Variants in PTPRD observed in about 807,000 individuals in gnomAD.
PTPRD encodes receptor-type tyrosine-protein phosphatase delta.
Under a neutral mutation model 214.5 loss-of-function variants are expected in PTPRD, and 34 were observed. The ratio of observed to expected loss-of-function variants is 0.16; its 90% CI spans 0.12 to 0.21. The LOEUF is 0.21. Among genes scored for constraint, PTPRD ranks in the 10% least tolerant of loss-of-function variants. PTPRD has a pLI of 1.00. For missense variants in PTPRD, 2,545 were observed against 2,398.7 expected, an observed-to-expected ratio of 1.06 and a Z score of -1.27; for synonymous variants, 1,128 against 845.7, an observed-to-expected ratio of 1.33 and a Z score of -5.79.
chr9:9,537,540 A>G (rs2076766852), intron 8 of PTPRD, among the ~76,000 whole-genome samples: 1 of 151,996 alleles, frequency 6.6e-6, no homozygotes, highest in Admixed American at 6.6e-5. Context: ...CAAATTTCAA[A>G]TACAAATCTA....
At chr9:8,636,357 T>C (rs566430857) in intron 13 of PTPRD, among the ~76,000 whole-genome samples, 2 of 152,060 alleles carry the variant, frequency 1.3e-5, no homozygotes, top group Non-Finnish European at 2.9e-5. Context: ...TAGGAGCCAA[T>C]GGGATGAGAG....
At chr9:9,925,951 C>T (rs978901653) in intron 5 of PTPRD, among the ~76,000 whole-genome samples, 3 of 152,104 alleles carry the variant, frequency 2.0e-5, no homozygotes, top group Non-Finnish European at 4.4e-5. Flanking sequence ...ACCTCAGCCT[C>T]CTAAGTAGCT....
intron 9 of PTPRD, among the ~76,000 whole-genome samples, chr9:9,389,381 A>G (rs1227128742): frequency 2.6e-5 from 4 of 152,022 alleles, no homozygotes; most frequent in Non-Finnish European, 5.9e-5. Context: ...GTGGTGGCAC[A>G]TGCCTGTAAT....
rs575592599 is a variant in PTPRD, at chr9:10,133,431, G to C, written c.-544-99641C>G. Among the ~76,000 whole-genome samples the C allele has an allele frequency of 1.4e-4, 21 of 152,124 alleles. No individual in the cohort carries two copies. In the South Asian group the frequency reaches 4.4e-3, roughly 32 times the overall value. On this transcript the variant is annotated intron_variant, in intron 3 of 45. Coordinates refer to ENST00000381196, the MANE Select transcript of PTPRD (RefSeq NM_002839.4). ...CCCACCTCACATCTAGTTTCAGAAAGGACAAAGCAGATACATATATGAATA... is the reference window on the plus strand; with the variant it reads ...CCCACCTCACATCTAGTTTCAGAAACGACAAAGCAGATACATATATGAATA...
At chr9:8,359,660 A>G (rs1329990194) in intron 39 of PTPRD, among the ~76,000 whole-genome samples, 1 of 152,074 alleles carries the variant, frequency 6.6e-6, no homozygotes, top group Non-Finnish European at 1.5e-5. Context: ...AAAAGCCCCT[A>G]GGTGATTCTG....
chr9:10,596,050 A>G (rs1355628313), intron 2 of PTPRD, among the ~76,000 whole-genome samples: 2 of 151,844 alleles, frequency 1.3e-5, no homozygotes, highest in Non-Finnish European at 2.9e-5. Flanking sequence ...TATACACACA[A>G]ATAGATACAT....
chr9:9,803,549 C>G (rs80016517), intron 5 of PTPRD, among the ~76,000 whole-genome samples: 2 of 152,062 alleles, frequency 1.3e-5, no homozygotes, highest in African/African-American at 4.8e-5. Flanking sequence ...GATAAAACTT[C>G]ATGGCCAGCA....
rs1375411142 is a variant in PTPRD at position 9,950,483 on chromosome 9, G to GGGA, written c.-471-11876_-471-11874dup. Among the ~76,000 whole-genome samples, 17 of 34,716 alleles carry GGGA rather than the reference G, an allele frequency of 4.9e-4. 4 individuals carry two copies. Among genetic ancestry groups the GGGA allele is most frequent in the Non-Finnish European group, 6.9e-4 (17 of 24,676 alleles). The allele number at this position is 34,716 out of a possible 152,430, so 22.8% of individuals were successfully genotyped here. The stretch of plus-strand genomic sequence containing the variant: ...CTCACGCCTGTAATCCCAGCACTTT[G>GGGA]GGAGGCCGAGGCGGGCGGATCACGA... On this transcript the variant is annotated intron_variant, in intron 4 of 45. Transcript: ENST00000381196.
intron 14 of PTPRD, among the ~76,000 whole-genome samples, chr9:8,607,818 G>A (rs1055589206): frequency 2.6e-5 from 4 of 152,094 alleles, no homozygotes; most frequent in African/African-American, 9.7e-5. Context: ...TTTTATTACA[G>A]TTTATTGCAA....
intron 3 of PTPRD, among the ~76,000 whole-genome samples, chr9:10,071,550 T>C (rs778710531): frequency 5.5e-4 from 84 of 152,134 alleles, no homozygotes; most frequent in Non-Finnish European, 9.0e-4. Flanking sequence ...GGTGCTGAAA[T>C]GTGTATGTCT....
intron 3 of PTPRD, among the ~76,000 whole-genome samples, chr9:10,062,145 G>A (rs2097787213): frequency 6.6e-6 from 1 of 152,054 alleles, no homozygotes; most frequent in Non-Finnish European, 1.5e-5. Flanking sequence ...GTGGTAGGAT[G>A]TTACAACCAG....
intron 9 of PTPRD, among the ~76,000 whole-genome samples, chr9:9,381,694 G>GT (rs1447019914): frequency 1.5e-5 from 2 of 137,914 alleles, no homozygotes; most frequent in Non-Finnish European, 3.2e-5. Context: ...TTGTTGTTTT[G>GT]TTTTTTGTTT....
intron 39 of PTPRD, among the ~76,000 whole-genome samples, chr9:8,347,494 C>A (rs1356122637): frequency 6.6e-6 from 1 of 152,136 alleles, no homozygotes; most frequent in Non-Finnish European, 1.5e-5. Context: ...CATGAATAAA[C>A]ATCTAATTAC....
At chr9:10,511,975 TG>T (rs2048325161) in intron 2 of PTPRD, among the ~76,000 whole-genome samples, 1 of 62,538 alleles carries the variant, frequency 1.6e-5, no homozygotes, top group Non-Finnish European at 3.4e-5. Context: ...TACGTGTGTG[TG>T]TATATATATA....
chr9:8,888,746 T>A (rs1293053969), intron 11 of PTPRD, among the ~76,000 whole-genome samples: 1 of 152,164 alleles, frequency 6.6e-6, no homozygotes, highest in Non-Finnish European at 1.5e-5. Flanking sequence ...CTGGGAACCG[T>A]CATGAGTGAG....
chr9:10,437,759 A>AT (rs1170968327), intron 2 of PTPRD, among the ~76,000 whole-genome samples: 10 of 151,214 alleles, frequency 6.6e-5, no homozygotes, highest in African/African-American at 2.4e-4. Context: ...AGAATAGTCC[A>AT]TTTTTGTTTT....
At chr9:9,913,750 C>T (rs929435151) in intron 5 of PTPRD, among the ~76,000 whole-genome samples, 3 of 152,224 alleles carry the variant, frequency 2.0e-5, no homozygotes, top group Admixed American at 2.0e-4. Flanking sequence ...CCACACAAAC[C>T]CTGAAACCAG....
intron 7 of PTPRD, among the ~76,000 whole-genome samples, chr9:9,724,975 G>T (rs145716674): frequency 3.9e-5 from 6 of 152,212 alleles, no homozygotes; most frequent in African/African-American, 1.4e-4. Flanking sequence ...GAGTTTATTT[G>T]GTGTCCCTTC....
At chr9:8,454,681 T>C in intron 33 of PTPRD, 2 of 1,440,898 alleles carry the variant, frequency 1.4e-6, no homozygotes, top group South Asian at 1.2e-5. Context: ...ACAACCAAGA[T>C]TTAAGAAATA....
Sources: allele counts gnomAD v4.1 joint callset (sites outside exome capture counted in the v4.1 genomes callset), GRCh38; gene constraint gnomAD v4.1.1; transcripts MANE v1.5; gene names NCBI Gene and HGNC (gene_info 2026-07-23, HGNC 2026-07-21).